The following KLC1 variants were observed in gnomAD, a reference collection of about 807,000 sequenced individuals.
KLC1 encodes kinesin 2 60/70kDa.
Under a neutral mutation model 84.2 loss-of-function variants are expected in KLC1, and 30 were observed. That is an observed-to-expected ratio of 0.36 (90% CI 0.27 to 0.48). The LOEUF is 0.48. Among genes scored for constraint, KLC1 ranks in the 20% least tolerant of loss-of-function variants. KLC1 has a pLI of 0.99. For missense variants in KLC1, 499 were observed against 805.4 expected (o/e 0.62, Z 4.60); for synonymous variants, 289 against 293.3 (o/e 0.99, Z 0.15).
In KLC1 at chr14:103,673,322, T is replaced by A. The variant is rs893143752; in HGVS notation, c.1162-10T>A. On this transcript the variant is annotated splice_polypyrimidine_tract_variant and intron_variant, in intron 8 of 16. Coordinates refer to ENST00000334553, the MANE Select transcript of KLC1 (RefSeq NM_001394837.1). The stretch of plus-strand genomic sequence containing the variant: ...AAGATATGAAATATTTTATTTTATT[T>A]TATTTTAAGGCATCCTGCTATTTGA... 1.3e-6 allele frequency: 2 copies of A among 1,564,710 alleles called. No homozygotes were observed. The highest frequency in any genetic ancestry group is 1.7e-6 in the Non-Finnish European group (2 of 1,159,440).
Position 103,692,444 on chromosome 14 carries a change from A to T in KLC1, c.1848+19A>T. On this transcript the variant is annotated intron_variant, in intron 15 of 16. Transcript: ENST00000334553. ...CTTTCAAGTAAGGAGCCTACCCCGA[A>T]TTGTGTCCTAGGCTGCCCAGACCAC... 1 of 1,535,764 alleles carries T rather than the reference A, an allele frequency of 6.5e-7. No homozygotes were observed. Among genetic ancestry groups the T allele is most frequent in the Non-Finnish European group, 8.7e-7 (1 of 1,146,362 alleles).
At chr14:103,638,036 G>A (rs530982416) in intron 1 of KLC1, among the ~76,000 whole-genome samples, 4 of 152,190 alleles carry the variant, frequency 2.6e-5, no homozygotes, top group African/African-American at 7.2e-5. Flanking sequence ...GACTGTTCCT[G>A]TAGGCTGGTC....
At chr14:103,663,022 C>G in intron 5 of KLC1, 95 bp downstream of exon 5, 1 of 770,014 alleles carries the variant, frequency 1.3e-6, no homozygotes, top group Non-Finnish European at 2.0e-6. Flanking sequence ...TCTGTATAAA[C>G]TATTTTTCAA....
intron 14 of KLC1, among the ~76,000 whole-genome samples, chr14:103,689,660 C>T (rs1179876622): frequency 6.7e-6 from 1 of 150,302 alleles, no homozygotes; most frequent in African/African-American, 2.4e-5. Context: ...TCCCACAGTG[C>T]TGGGGCTGCT....
intron 3 of KLC1, among the ~76,000 whole-genome samples, chr14:103,661,548 C>G (rs1595409985): frequency 6.6e-6 from 1 of 152,160 alleles, no homozygotes; most frequent in African/African-American, 2.4e-5. Flanking sequence ...AAGCTAATTT[C>G]TTACTGGTCA....
chr14:103,644,740 AAAGAG>A (rs1211974486), intron 1 of KLC1, among the ~76,000 whole-genome samples: 2 of 152,140 alleles, frequency 1.3e-5, no homozygotes, highest in East Asian at 1.9e-4. Flanking sequence ...CTTAAAAAGA[AAAGAG>A]AAGAGAAGAA....
At chr14:103,685,901 C>T (rs184962428) in intron 13 of KLC1, 5 of 1,123,146 alleles carry the variant, frequency 4.5e-6, no homozygotes, top group East Asian at 1.4e-4. Context: ...GTGTAATACA[C>T]GAGTTTAAAA....
intron 12 of KLC1, among the ~76,000 whole-genome samples, chr14:103,677,870 G>A (rs1001091888): frequency 6.6e-6 from 1 of 151,894 alleles, no homozygotes; most frequent in African/African-American, 2.4e-5. Context: ...GGGAGGCTGA[G>A]ACAGGAGAAT....
chr14:103,631,123 C>A (rs372590577), intron 1 of KLC1, among the ~76,000 whole-genome samples: 2 of 151,888 alleles, frequency 1.3e-5, no homozygotes, highest in South Asian at 2.1e-4. Context: ...CTCTGTCGCC[C>A]GGGCTGGAGT....
Position 103,654,707 on chromosome 14 carries a change from G to A in KLC1, c.143G>A (p.Ser48Asn), listed in dbSNP as rs776937176. Residue 48 changes from serine (S) to asparagine (N), a missense_variant, in exon 2 of 17, where the codon AGT (serine) becomes AAT (asparagine). Physicochemically the swap from Ser to Asn is conservative, Grantham distance 46. Transcript: ENST00000334553. The stretch of plus-strand genomic sequence containing the variant: ...AATGAGCACAATTCCATTTTACAAA[G>A]TTTGCTGGAGACACTGAAGTGTTTG... ...LKNEHNSILQ[S>N]LLETLKCLKK... The A allele has an allele frequency of 4.3e-6, 7 of 1,614,190 alleles. No homozygotes were observed. In the South Asian group the frequency reaches 7.7e-5, roughly 18 times the overall value.
chr14:103,655,840 G>T (rs1346701900), intron 2 of KLC1, among the ~76,000 whole-genome samples: 2 of 152,108 alleles, frequency 1.3e-5, no homozygotes, highest in African/African-American at 4.8e-5. Flanking sequence ...TGACCTCAGG[G>T]CCTCTCTGAA....
At chr14:103,663,135 C>T (rs1168048953) in intron 5 of KLC1, among the ~76,000 whole-genome samples, 1 of 151,074 alleles carries the variant, frequency 6.6e-6, no homozygotes, top group African/African-American at 2.4e-5. Flanking sequence ...GCTGGAGTGC[C>T]GGGGTGTGAT....
chr14:103,693,780 G>A lies in KLC1; in HGVS notation c.1848+1355G>A, dbSNP rs1356244670. 2 of 1,419,610 alleles carry A rather than the reference G, an allele frequency of 1.4e-6. No individual in the cohort carries two copies. Among genetic ancestry groups the A allele is most frequent in the Non-Finnish European group, 1.8e-6 (2 of 1,090,608 alleles). The allele number at this position is 1,419,610 out of a possible 1,614,324, so 87.9% of individuals were successfully genotyped here. ...AGGTGCCTTTTCAAAACACCCGGGAGGCCGTGCCTCAGCATTCTGTTACTC... is the reference window on the plus strand; with the variant it reads ...AGGTGCCTTTTCAAAACACCCGGGAAGCCGTGCCTCAGCATTCTGTTACTC... On this transcript the variant is annotated intron_variant, in intron 15 of 16. Transcript: ENST00000334553. The surrounding 1 kb of genome is among the most constrained non-coding windows in gnomAD (Gnocchi z 5.1).
chr14:103,682,005 G>A (rs2081379325), intron 13 of KLC1, among the ~76,000 whole-genome samples: 2 of 152,114 alleles, frequency 1.3e-5, no homozygotes, highest in Admixed American at 1.3e-4. Flanking sequence ...CCACTTACTT[G>A]TGTGCATCAA....
In KLC1 at chr14:103,654,813, G is replaced by C. The variant is rs748246750; in HGVS notation, c.249G>C (p.Leu83=). The C allele has an allele frequency of 1.2e-6, 2 of 1,614,082 alleles. No homozygotes were observed. Among genetic ancestry groups the C allele is most frequent in the South Asian group, 1.1e-5 (1 of 91,064 alleles). Residue 83 remains leucine (L), a synonymous_variant, in exon 2 of 17, where the codon CTG becomes CTC. Transcript: ENST00000334553. ...RKSLEMLELG[L]SEAQVMMALS... is the part of the protein sequence containing the mutation. ...CACTGGAGATGTTGGAGCTCGGCCTGAGTGAGGCACAGGTACGAGTGAGAA... is the reference window on the plus strand; with the variant it reads ...CACTGGAGATGTTGGAGCTCGGCCTCAGTGAGGCACAGGTACGAGTGAGAA...
chr14:103,652,554 C>T (rs904339053), intron 1 of KLC1, among the ~76,000 whole-genome samples: 2 of 151,888 alleles, frequency 1.3e-5, no homozygotes, highest in African/African-American at 2.4e-5. Flanking sequence ...TGCAGTGGCG[C>T]GATCTCGGCT....
intron 15 of KLC1, chr14:103,699,921 T>C (rs2082994349): frequency 5.4e-6 from 2 of 371,990 alleles, no homozygotes; most frequent in South Asian, 2.3e-5. Flanking sequence ...CCTTCTGCCA[T>C]GGTTTCACCC....
intron 13 of KLC1, chr14:103,683,737 C>G (rs2081557261): frequency 6.6e-6 from 1 of 152,290 alleles, no homozygotes; most frequent in Non-Finnish European, 1.5e-5. Context: ...CTGGGGCCTT[C>G]TGAAGCAGCC....
In KLC1 at chr14:103,691,316, G is replaced by A. The variant is rs183906447; in HGVS notation, c.1782-1043G>A. Among the ~76,000 whole-genome samples, 174 of 151,790 alleles carry A rather than the reference G, an allele frequency of 1.1e-3. 1 individual carries two copies. The highest frequency in any genetic ancestry group is 3.6e-3 in the African/African-American group (148 of 41,342). On this transcript the variant is annotated intron_variant, in intron 14 of 16. Coordinates refer to ENST00000334553, the MANE Select transcript of KLC1 (RefSeq NM_001394837.1). ...TGGGATTACAGGTGTGTACCACCAC[G>A]CCTGGCTAATTTTTTGCATTTTTAG...
Sources: allele counts gnomAD v4.1 joint callset (sites outside exome capture counted in the v4.1 genomes callset), GRCh38; gene constraint gnomAD v4.1.1; non-coding constraint Gnocchi (gnomAD v3.1); transcripts MANE v1.5; gene names NCBI Gene and HGNC (gene_info 2026-07-23, HGNC 2026-07-21).